Variants in SIPA1L1 observed in about 807,000 individuals in gnomAD.
SIPA1L1 encodes signal induced proliferation associated 1 like 1, also known as signal-induced proliferation-associated 1-like protein 1.
A neutral mutation model predicts 162.7 loss-of-function variants in SIPA1L1; 26 were observed. The observed-to-expected ratio is 0.16, with a 90% CI of 0.12 to 0.22. The LOEUF is 0.22. Among genes scored for constraint, SIPA1L1 ranks in the 10% least tolerant of loss-of-function variants. The pLI, the probability that SIPA1L1 is intolerant of heterozygous loss-of-function variation, is 1.00. For missense variants in SIPA1L1, 1,874 were observed against 2,241.0 expected (o/e 0.84, Z 3.31); for synonymous variants, 829 against 837.4 (o/e 0.99, Z 0.17).
At chr14:71,335,492 A>G (rs530779433) in intron 2 of SIPA1L1, among the ~76,000 whole-genome samples, 9 of 152,330 alleles carry the variant, frequency 5.9e-5, no homozygotes, top group Admixed American at 5.9e-4. Context: ...GTCCTGACAC[A>G]TGCAGTGAAT....
Position 71,587,842 on chromosome 14 carries a change from G to T in SIPA1L1, c.-31G>T, listed in dbSNP as rs752779226. On this transcript the variant is annotated 5_prime_UTR_variant, in exon 5 of 24. Transcript: ENST00000381232. ...AAACACAGATATGATGGTCCTTGCT[G>T]CAGGGATTTAAGTCTACTTGCTTTT... 6.3e-7 allele frequency: 1 copy of T among 1,576,662 alleles called. No homozygotes were observed. Among genetic ancestry groups the T allele is most frequent in the Non-Finnish European group, 8.7e-7 (1 of 1,154,524 alleles).
At chr14:71,667,727 A>C (rs1023011667) in intron 10 of SIPA1L1, among the ~76,000 whole-genome samples, 1 of 152,146 alleles carries the variant, frequency 6.6e-6, no homozygotes, top group Non-Finnish European at 1.5e-5. Flanking sequence ...TCCAAAGTTC[A>C]AATGTCTTAT....
At chr14:71,532,693 G>A (rs2053552918) in intron 4 of SIPA1L1, among the ~76,000 whole-genome samples, 1 of 152,222 alleles carries the variant, frequency 6.6e-6, no homozygotes, top group African/African-American at 2.4e-5. Context: ...TAGAAAAGGA[G>A]ACTTGTTCTT....
intron 4 of SIPA1L1, among the ~76,000 whole-genome samples, chr14:71,543,432 G>C (rs982503478): frequency 3.9e-5 from 6 of 152,144 alleles, no homozygotes; most frequent in Admixed American, 3.9e-4. Flanking sequence ...TCATAGGATA[G>C]ATGTATATTT....
intron 2 of SIPA1L1, among the ~76,000 whole-genome samples, chr14:71,423,936 C>T (rs764297492): frequency 2.6e-5 from 4 of 152,088 alleles, no homozygotes; most frequent in Non-Finnish European, 5.9e-5. Flanking sequence ...AGTCCTTGAA[C>T]ATGGAAAGTG....
At chr14:71,552,442 A>C (rs2048460144) in intron 4 of SIPA1L1, among the ~76,000 whole-genome samples, 1 of 149,236 alleles carries the variant, frequency 6.7e-6, no homozygotes, top group African/African-American at 2.5e-5. Flanking sequence ...CCCAGGCCGG[A>C]TTGCAGTGGC....
chr14:71,724,991 C>T (rs746866276), intron 19 of SIPA1L1, among the ~76,000 whole-genome samples, 156 bp downstream of exon 19: 4 of 152,158 alleles, frequency 2.6e-5, no homozygotes, highest in Non-Finnish European at 5.9e-5. Context: ...ATAACTGGTC[C>T]ACAGTGTTTG....
intron 16 of SIPA1L1, among the ~76,000 whole-genome samples, chr14:71,708,214 A>G (rs2082616472): frequency 6.6e-6 from 1 of 150,862 alleles, no homozygotes; most frequent in Admixed American, 6.6e-5. Context: ...AGACTTACAC[A>G]TATGTTTTCT....
chr14:71,719,186 G>A (rs550089625), intron 17 of SIPA1L1, among the ~76,000 whole-genome samples: 4 of 152,066 alleles, frequency 2.6e-5, no homozygotes, highest in East Asian at 1.9e-4. Flanking sequence ...TAATCTGCCC[G>A]TCTCAGCCTC....
chr14:71,593,468 T>A (rs1162260930), intron 5 of SIPA1L1, among the ~76,000 whole-genome samples: 1 of 152,158 alleles, frequency 6.6e-6, no homozygotes, highest in East Asian at 1.9e-4. Context: ...TGCCTTGGCC[T>A]CCCAAAGTGC....
At chr14:71,638,735 G>A (rs1171911600) in intron 7 of SIPA1L1, among the ~76,000 whole-genome samples, 1 of 152,210 alleles carries the variant, frequency 6.6e-6, no homozygotes, top group African/African-American at 2.4e-5. Flanking sequence ...TGACATGCTG[G>A]TCTGTTTGCA....
chr14:71,465,882 A>G (rs781476650), intron 2 of SIPA1L1, among the ~76,000 whole-genome samples: 2 of 152,222 alleles, frequency 1.3e-5, no homozygotes, highest in Admixed American at 6.5e-5. Context: ...AGCATCCAGC[A>G]TGGGAGAAAG....
chr14:71,386,779 A>G (rs1238008355), intron 2 of SIPA1L1, among the ~76,000 whole-genome samples: 1 of 152,226 alleles, frequency 6.6e-6, no homozygotes, highest in Non-Finnish European at 1.5e-5. Context: ...TCATTAATAC[A>G]TACCTTCAGT....
At chr14:71,604,914 G>A (rs2037309614) in intron 5 of SIPA1L1, among the ~76,000 whole-genome samples, 1 of 151,918 alleles carries the variant, frequency 6.6e-6, no homozygotes. Flanking sequence ...CCTGTATCTG[G>A]ATATCTAAAT....
chr14:71,325,959 A>G (rs949694364), intron 2 of SIPA1L1, among the ~76,000 whole-genome samples: 1 of 152,084 alleles, frequency 6.6e-6, no homozygotes, highest in Non-Finnish European at 1.5e-5. Context: ...TTGGGGAGGG[A>G]GAATTGCTGG....
intron 3 of SIPA1L1, among the ~76,000 whole-genome samples, chr14:71,528,516 G>A (rs1217804607): frequency 6.6e-6 from 1 of 151,952 alleles, no homozygotes; most frequent in Non-Finnish European, 1.5e-5. Context: ...TTAGCTGGGC[G>A]TGATGGTGCG....
At chr14:71,653,808 A>G (rs894361420) in intron 8 of SIPA1L1, among the ~76,000 whole-genome samples, 12 of 152,216 alleles carry the variant, frequency 7.9e-5, no homozygotes, top group African/African-American at 2.9e-4. Context: ...CAAACCTGCT[A>G]GATACCAATT....
chr14:71,570,482 C>A (rs148143776), intron 4 of SIPA1L1, among the ~76,000 whole-genome samples: 25 of 152,180 alleles, frequency 1.6e-4, no homozygotes, highest in African/African-American at 5.5e-4. Context: ...CTAGGCTGGT[C>A]TTGAACTCCT....
intron 13 of SIPA1L1, among the ~76,000 whole-genome samples, chr14:71,697,208 C>G (rs1293798195): frequency 6.6e-6 from 1 of 152,040 alleles, no homozygotes; most frequent in African/African-American, 2.4e-5. Flanking sequence ...AGAGACCTGT[C>G]GGGACACTTG....
Sources: allele counts gnomAD v4.1 joint callset (sites outside exome capture counted in the v4.1 genomes callset), GRCh38; gene constraint gnomAD v4.1.1; transcripts MANE v1.5; gene names NCBI Gene and HGNC (gene_info 2026-07-23, HGNC 2026-07-21).